MYH6: variants seen among roughly 807,000 people sequenced by gnomAD.
The protein encoded by MYH6 is myosin-6.
Under a neutral mutation model 223.2 loss-of-function variants are expected in MYH6, and 126 were observed. That is an observed-to-expected ratio of 0.56 (90% CI 0.49 to 0.65). MYH6 has a LOEUF of 0.65. MYH6 is among the 30% of genes least tolerant of loss of function. The probability of loss-of-function intolerance (pLI) is 0.00; values close to 1 mark genes in which losing one functional copy is unlikely to be tolerated. For missense variants in MYH6, 2,040 were observed against 2,536.4 expected (o/e 0.80, Z 4.20); for synonymous variants, 978 against 1,010.2 (o/e 0.97, Z 0.61).
At position 23,386,318 on chromosome 14, in the gene MYH6, C is replaced by T. The variant is rs928774655; in HGVS notation, c.4956G>A (p.Leu1652=). 1 of 1,614,174 alleles carries T rather than the reference C, an allele frequency of 6.2e-7. No homozygotes were observed. Among genetic ancestry groups the T allele is most frequent in the Non-Finnish European group, 8.5e-7 (1 of 1,180,050 alleles). ...GGGACCTCCCGCCCCCATGTACCTTCAGCAAGCTCTGGAGGCTCTTGACTT... is the reference window on the plus strand; with the variant it reads ...GGGACCTCCCGCCCCCATGTACCTTTAGCAAGCTCTGGAGGCTCTTGACTT... The part of the protein sequence containing the change: ...QKQVKSLQSL[L]KDTQIQLDDA... The change falls in exon 33 of 39, where the codon CTG becomes CTA. Residue 1652 remains leucine (L), a synonymous_variant. Coordinates refer to ENST00000405093, the MANE Select transcript of MYH6 (RefSeq NM_002471.4).
At position 23,390,260 on chromosome 14, in the gene MYH6, G is replaced by T; in HGVS notation, c.3529C>A (p.Arg1177=). ...AGCGTGGCCTCCTCCAGGTCCCGCC[G>T]CATCTTCTGGAACTCGGCCTCGCGC... ...KKREAEFQKM[R]RDLEEATLQH... The change falls in exon 26 of 39, where the codon CGG becomes AGG. Residue 1177 remains arginine, a synonymous_variant. Coordinates refer to ENST00000405093, the MANE Select transcript of MYH6 (RefSeq NM_002471.4). 6.3e-7 allele frequency: 1 copy of T among 1,587,318 alleles called. No homozygotes were observed. Among genetic ancestry groups the T allele is most frequent in the Non-Finnish European group, 8.6e-7 (1 of 1,164,630 alleles).
At chr14:23,393,612 T>C in intron 22 of MYH6, 54 bp downstream of exon 22, 1 of 1,614,152 alleles carries the variant, frequency 6.2e-7, no homozygotes, top group Non-Finnish European at 8.5e-7. Context: ...GACAACACTC[T>C]AGTCTGGGAG....
chr14:23,400,808 G>A lies in MYH6; in HGVS notation c.1311C>T (p.Phe437=). The change falls in exon 13 of 39, where the codon TTC becomes TTT. Residue 437 remains phenylalanine (F), a synonymous_variant. Transcript: ENST00000405093. ...CGTTGATGCGCGTCACCATCCAGTT[G>A]AACATCTTCTCATACACTGCCTTGG... ...ALAKAVYEKM[F]NWMVTRINAT... 6 of 1,614,216 alleles carry A rather than the reference G, an allele frequency of 3.7e-6. No homozygotes were observed. The highest frequency in any genetic ancestry group is 5.1e-6 in the Non-Finnish European group (6 of 1,180,036).
Position 23,394,265 on chromosome 14 carries a change from G to A in MYH6, c.2488C>T (p.Pro830Ser), listed in dbSNP as rs765525780. Residue 830 changes from proline to serine, a missense_variant, in exon 21 of 39, where the codon CCC (proline) becomes TCC (serine). This residue lies in a region of MYH6 where 649 missense variants were observed against 877.3 expected (regional missense o/e 0.74). Transcript: ENST00000405093. ...IRAFMGVKNW[P>S]WMKLYFKIKP... ...ATCTTGAAGTAGAGCTTCATCCAGG[G>A]CCAATTCTTGACCCCCATGAAGGCC... The A allele has an allele frequency of 6.2e-6, 10 of 1,614,150 alleles. 1 individual carries two copies. In the South Asian group the frequency reaches 1.1e-4, roughly 18 times the overall value.
chr14:23,385,382 T>C (rs556442647), intron 34 of MYH6, among the ~76,000 whole-genome samples: 5 of 150,908 alleles, frequency 3.3e-5, no homozygotes, highest in Admixed American at 1.3e-4. Flanking sequence ...TCCAGAGATG[T>C]TTATAGCTAT....
At chr14:23,404,508 T>A in intron 7 of MYH6, 120 bp from the exon 8 acceptor site, 1 of 1,245,806 alleles carries the variant, frequency 8.0e-7, no homozygotes, top group Non-Finnish European at 1.2e-6. Context: ...GAACCGCTAG[T>A]GGGTCTGCGA....
Position 23,389,478 on chromosome 14 carries a change from G to A in MYH6, c.3893C>T (p.Ala1298Val), listed in dbSNP as rs368588052. ...ELARQLEEKE[A>V]LISQLTRGKL... ...CCCCCGGGTCAGCTGCGAGATTAGC[G>A]CCTCCTTTTCCTCTAGCTGCCGGGC... is the stretch of plus-strand genomic sequence containing the variant. The change falls in exon 28 of 39, where the codon GCG (alanine) becomes GTG (valine). Residue 1298 changes from alanine to valine, a missense_variant. By Grantham distance (64) the Ala-to-Val change is moderately conservative. Around this residue, in one of 4 missense-constraint regions of MYH6, gnomAD observed 1,203 missense variants for 1,400.2 expected, o/e 0.86. Transcript: ENST00000405093. The A allele has an allele frequency of 1.4e-4, 233 of 1,613,998 alleles. No homozygotes were observed. Among genetic ancestry groups the A allele is most frequent in the Non-Finnish European group, 1.4e-4 (165 of 1,180,026 alleles).
Position 23,405,496 on chromosome 14 carries a change from C to G in MYH6, c.346-117G>C. ...CTGGCTCTACTCCTCCTGCAGCTGA[C>G]TAGGGGTGGAGGGGGGAAGGGGACT... is the stretch of plus-strand genomic sequence containing the variant. On this transcript the variant is annotated intron_variant, in intron 4 of 38. Coordinates refer to ENST00000405093, the MANE Select transcript of MYH6 (RefSeq NM_002471.4). The surrounding 1 kb of genome is among the most constrained non-coding windows in gnomAD (Gnocchi z 4.7). 1 of 1,596,516 alleles carries G rather than the reference C, an allele frequency of 6.3e-7. No homozygotes were observed. The highest frequency in any genetic ancestry group is 8.6e-7 in the Non-Finnish European group (1 of 1,167,082).
In MYH6 at chr14:23,392,563, T is replaced by C. The variant is rs1891263913; in HGVS notation, c.3341A>G (p.Gln1114Arg). ...LQLQKKLKEN[Q>R]ARIEELEEEL... is the part of the protein sequence containing the mutation. Reference sequence around the variant, plus strand: ...TCATGCACTGGGAAAAAAAGTCACCTGGTTTTCCTTCAGTTTCTTCTGTAG... The same window carrying C: ...TCATGCACTGGGAAAAAAAGTCACCCGGTTTTCCTTCAGTTTCTTCTGTAG... Residue 1114 changes from glutamine to arginine, a missense_variant and splice_region_variant, in exon 25 of 39, where the codon CAG becomes CGG. Transcript: ENST00000405093. 6.2e-7 allele frequency: 1 copy of C among 1,611,124 alleles called. No homozygotes were observed. The highest frequency in any genetic ancestry group is 8.5e-7 in the Non-Finnish European group (1 of 1,177,442).
chr14:23,401,800 C>G (rs1182669350), intron 12 of MYH6, among the ~76,000 whole-genome samples: 1 of 152,184 alleles, frequency 6.6e-6, no homozygotes, highest in Non-Finnish European at 1.5e-5. Context: ...AATGTGCCAC[C>G]CAACATGGGT....
chr14:23,401,064 T>C (rs1368006915), intron 12 of MYH6, 87 bp from the exon 13 acceptor site: 1 of 1,548,352 alleles, frequency 6.5e-7, no homozygotes, highest in Non-Finnish European at 8.7e-7. Flanking sequence ...TTGAGTGCAG[T>C]GGCACGATCT....
chr14:23,403,726 T>C lies in MYH6; in HGVS notation c.788A>G (p.Asp263Gly). 1.2e-6 allele frequency: 2 copies of C among 1,613,064 alleles called. No homozygotes were observed. The highest frequency in any genetic ancestry group is 2.7e-5 in the African/African-American group (2 of 75,018). Residue 263 changes from aspartate to glycine, a missense_variant, in exon 9 of 39, where the codon GAC (aspartate) becomes GGC (glycine). Physicochemically the swap from Asp to Gly is moderately conservative, Grantham distance 94. Around this residue, in one of 4 missense-constraint regions of MYH6, gnomAD observed 649 missense variants for 877.3 expected, o/e 0.74. Transcript: ENST00000405093. ...CTGCTGGTACTCACAGGTCTCTATG[T>C]CTGCAGAAGCCAGCTTTCCAGTGGC... ...FGATGKLASA[D>G]IETYLLEKSR...
Position 23,387,765 on chromosome 14 carries a change from G to T in MYH6, c.4518C>A (p.Asn1506Lys), listed in dbSNP as rs779529542. ...CTTGGACCCCCAGCACACCCTGAAG[G>T]TTCTTGTTCTCCCGCTTGAAGGTCT... is the stretch of plus-strand genomic sequence containing the variant. ...HLETFKRENK[N>K]LQEEISDLTE... The change falls in exon 31 of 39, where the codon AAC becomes AAA. Residue 1506 changes from asparagine (N) to lysine (K), a missense_variant. Coordinates refer to ENST00000405093, the MANE Select transcript of MYH6 (RefSeq NM_002471.4). 1.2e-6 allele frequency: 2 copies of T among 1,614,024 alleles called. No homozygotes were observed. Among genetic ancestry groups the T allele is most frequent in the South Asian group, 1.1e-5 (1 of 91,064 alleles).
At chr14:23,388,111 C>A (rs1891095029) in intron 30 of MYH6, 44 bp downstream of exon 30, 3 of 1,611,982 alleles carry the variant, frequency 1.9e-6, no homozygotes, top group Admixed American at 3.3e-5. Context: ...CCCCTCATGC[C>A]CCCTTGCCCT....
At chr14:23,394,001 G>A (rs968567877) in intron 21 of MYH6, 67 bp downstream of exon 21, 6 of 1,613,576 alleles carry the variant, frequency 3.7e-6, no homozygotes, top group Non-Finnish European at 5.1e-6. Context: ...CCAGTCCCTG[G>A]TTGTGAGATG....
chr14:23,386,652 G>C, intron 32 of MYH6, 29 bp from the exon 33 acceptor site: 2 of 1,594,232 alleles, frequency 1.3e-6, no homozygotes, highest in South Asian at 2.3e-5. Context: ...AGGGCGGGCA[G>C]ACAGGGCACA....
At chr14:23,398,028 C>CCTTT (rs1891482901) in intron 15 of MYH6, among the ~76,000 whole-genome samples, 1 of 89,168 alleles carries the variant, frequency 1.1e-5, no homozygotes, top group Non-Finnish European at 2.3e-5. Context: ...CTTCTTCCTT[C>CCTTT]TATTTTTGAG....
In MYH6 at chr14:23,385,639, C is replaced by T. The variant is rs151296327; in HGVS notation, c.5163+289G>A. ...AAACTCTCATCTTTACAGAGCAAGCCGGAGGCTGTCTTTCAGATCAAGAAT... is the reference window on the plus strand; with the variant it reads ...AAACTCTCATCTTTACAGAGCAAGCTGGAGGCTGTCTTTCAGATCAAGAAT... On this transcript the variant is annotated intron_variant, in intron 34 of 38. Coordinates refer to ENST00000405093, the MANE Select transcript of MYH6 (RefSeq NM_002471.4). Among the ~76,000 whole-genome samples the T allele has an allele frequency of 8.6e-4, 131 of 152,068 alleles. 1 individual carries two copies. Among genetic ancestry groups the T allele is most frequent in the East Asian group, 3.3e-3 (17 of 5,176 alleles).
rs1891428670 is a variant in MYH6 at position 23,397,311 on chromosome 14, C to T, written c.1963-54G>A. ...GAGCCACAAGGACCATCCCTTAGGC[C>T]CTTAAACCCTGGTCCCCAGACACTC... On this transcript the variant is annotated intron_variant, in intron 16 of 38. Transcript: ENST00000405093. 3 of 1,532,754 alleles carry T rather than the reference C, an allele frequency of 2.0e-6. No individual in the cohort carries two copies. The African/African-American group carries it at 4.1e-5, about 21-fold the overall frequency. The allele number at this position is 1,532,754 out of a possible 1,614,324, so 94.9% of individuals were successfully genotyped here. A position where few individuals can be genotyped will look rare whatever the true frequency, so the allele number is the denominator to read the frequency against.
Sources: allele counts gnomAD v4.1 joint callset (sites outside exome capture counted in the v4.1 genomes callset), GRCh38; gene constraint gnomAD v4.1.1; regional missense constraint gnomAD v4.1.1; non-coding constraint Gnocchi (gnomAD v3.1); transcripts MANE v1.5; gene names NCBI Gene and HGNC (gene_info 2026-07-23, HGNC 2026-07-21).